Variants in PCDH15 observed in about 807,000 individuals in gnomAD.
PCDH15 encodes protocadherin related 15.
In PCDH15, 129 loss-of-function variants were observed where a neutral mutation model predicts 178.5. The observed-to-expected ratio is 0.72, with a 90% CI of 0.63 to 0.84. The LOEUF is 0.84. Among genes scored for constraint, PCDH15 ranks in the 40% least tolerant of loss-of-function variants. PCDH15 has a pLI of 0.00. For synonymous variants in PCDH15, 800 were observed against 732.0 expected, an observed-to-expected ratio of 1.09 and a Z score of -1.50; for missense variants, 2,230 against 2,099.9, an observed-to-expected ratio of 1.06 and a Z score of -1.21.
intron 27 of PCDH15, among the ~76,000 whole-genome samples, chr10:53,865,552 T>C (rs2079388958): frequency 6.6e-6 from 1 of 152,156 alleles, no homozygotes; most frequent in Non-Finnish European, 1.5e-5. Flanking sequence ...TGGAATCTAA[T>C]AAAAAGTGTT....
intron 3 of PCDH15, among the ~76,000 whole-genome samples, chr10:54,476,245 A>G (rs1302452606): frequency 6.6e-6 from 1 of 151,886 alleles, no homozygotes; most frequent in East Asian, 2.0e-4. Flanking sequence ...CTGAATCCAC[A>G]AGGCATACAC....
chr10:54,518,460 G>C (rs1469831708), intron 3 of PCDH15, among the ~76,000 whole-genome samples: 3 of 152,134 alleles, frequency 2.0e-5, no homozygotes, highest in Non-Finnish European at 4.4e-5. Context: ...GGAAAATCTA[G>C]AAGAAATGGA....
chr10:54,945,509 C>T (rs1226341450), intron 2 of PCDH15, among the ~76,000 whole-genome samples: 1 of 150,236 alleles, frequency 6.7e-6, no homozygotes, highest in East Asian at 1.9e-4. Flanking sequence ...TTGTCATTTG[C>T]CTGAGAAATC....
At chr10:54,822,200 G>A (rs977340910) in intron 3 of PCDH15, among the ~76,000 whole-genome samples, 3 of 152,094 alleles carry the variant, frequency 2.0e-5, no homozygotes, top group Admixed American at 2.0e-4. Flanking sequence ...TTTGAAATAT[G>A]CAATAAATTA....
At chr10:55,040,577 C>T (rs1840842765) in intron 2 of PCDH15, among the ~76,000 whole-genome samples, 1 of 152,044 alleles carries the variant, frequency 6.6e-6, no homozygotes, top group African/African-American at 2.4e-5. Context: ...TCTATATTTT[C>T]TTGTCCTCTT....
intron 6 of PCDH15, among the ~76,000 whole-genome samples, chr10:54,335,551 G>A (rs1940907515): frequency 2.0e-5 from 3 of 152,142 alleles, no homozygotes; most frequent in Non-Finnish European, 4.4e-5. Flanking sequence ...TTTTGTGGTA[G>A]TGAATAAGTC....
intron 1 of PCDH15, among the ~76,000 whole-genome samples, chr10:55,253,229 CGTGTGTGTGTGTGTGTGTGCGT>C (rs1261471109): frequency 8.0e-6 from 1 of 125,460 alleles, no homozygotes; most frequent in Non-Finnish European, 1.8e-5. Flanking sequence ...AGAGTATGTG[CGTGTGTGTGTGTGTGTGTGCGT>C]GTGTGTGTGT....
chr10:54,142,681 A>C (rs1281611734), intron 14 of PCDH15, among the ~76,000 whole-genome samples: 1 of 152,180 alleles, frequency 6.6e-6, no homozygotes, highest in South Asian at 2.1e-4. Context: ...AAACTGATTA[A>C]AATTAGATAG....
chr10:55,044,866 A>G (rs1472978306), intron 2 of PCDH15, among the ~76,000 whole-genome samples: 3 of 152,056 alleles, frequency 2.0e-5, no homozygotes, highest in Non-Finnish European at 2.9e-5. Context: ...CCCACCCTCA[A>G]TGGACTCATC....
intron 15 of PCDH15, among the ~76,000 whole-genome samples, chr10:54,111,878 G>A (rs2095029435): frequency 1.3e-5 from 2 of 151,516 alleles, no homozygotes; most frequent in African/African-American, 2.4e-5. Flanking sequence ...TGTAGTCCCA[G>A]CAGTTTGGGA....
At chr10:55,307,842 A>G (rs1843472045) in intron 1 of PCDH15, among the ~76,000 whole-genome samples, 1 of 152,052 alleles carries the variant, frequency 6.6e-6, no homozygotes, top group African/African-American at 2.4e-5. Context: ...TGATTTTATA[A>G]ATATTGAAAT....
At chr10:53,924,037 C>T (rs1045241270) in intron 25 of PCDH15, among the ~76,000 whole-genome samples, 5 of 152,180 alleles carry the variant, frequency 3.3e-5, no homozygotes, top group South Asian at 2.1e-4. Context: ...TCGCAGCCCT[C>T]GCTTGATCTC....
intron 2 of PCDH15, among the ~76,000 whole-genome samples, chr10:55,563,188 T>G (rs543571423): frequency 7.2e-4 from 109 of 152,014 alleles, no homozygotes; most frequent in Non-Finnish European, 1.3e-3. Flanking sequence ...AAAAAGGTGG[T>G]AGCCATTGTT....
upstream of PCDH15, among the ~76,000 whole-genome samples, chr10:55,323,840 GTGAGGACA>G (rs1843965176): frequency 6.6e-6 from 1 of 152,176 alleles, no homozygotes; most frequent in African/African-American, 2.4e-5. Context: ...GTCTTGAAAT[GTGAGGACA>G]TGAGATTTAG....
intron 3 of PCDH15, among the ~76,000 whole-genome samples, chr10:54,388,092 G>C (rs1475703592): frequency 6.6e-6 from 1 of 152,086 alleles, no homozygotes; most frequent in Non-Finnish European, 1.5e-5. Flanking sequence ...TAATACCACT[G>C]AACTGTACAC....
chr10:53,897,656 C>G (rs1234259405), intron 26 of PCDH15, among the ~76,000 whole-genome samples: 2 of 152,094 alleles, frequency 1.3e-5, no homozygotes, highest in Admixed American at 6.6e-5. Context: ...TCTTCCCAAA[C>G]GGTAACAGAG....
chr10:54,709,327 T>C (rs1338317998), intron 1 of PCDH15, among the ~76,000 whole-genome samples: 2 of 151,978 alleles, frequency 1.3e-5, no homozygotes, highest in Admixed American at 6.6e-5. Flanking sequence ...CTTGGATTGA[T>C]TGAAGAGAGA....
chr10:54,575,559 A>T (rs1327563343), intron 2 of PCDH15, among the ~76,000 whole-genome samples: 1 of 152,126 alleles, frequency 6.6e-6, no homozygotes, highest in Non-Finnish European at 1.5e-5. Flanking sequence ...TTCCATCTAT[A>T]TCAGAATGAT....
At position 55,030,120 on chromosome 10, in the gene PCDH15, A is replaced by T. The variant is rs145604164; in HGVS notation, c.-79-132620T>A. Among the ~76,000 whole-genome samples the T allele has an allele frequency of 9.4e-4, 143 of 152,322 alleles. 2 individuals are homozygous for T. The East Asian group carries it at 0.023, about 25-fold the overall frequency. On this transcript the variant is annotated intron_variant, in intron 2 of 5. Transcript: ENST00000458638. ...TAAGATTTTATAATGTTTTGGACACATAGAAATTAAGTCAGTTTCCAAAAA... is the reference window on the plus strand; with the variant it reads ...TAAGATTTTATAATGTTTTGGACACTTAGAAATTAAGTCAGTTTCCAAAAA...
Sources: gnomAD v4.1 joint callset for allele counts (sites outside exome capture counted in the v4.1 genomes callset) on GRCh38, gnomAD v4.1.1 for gene constraint, MANE v1.5 for transcripts, NCBI Gene and HGNC (gene_info 2026-07-23, HGNC 2026-07-21) for gene names.